Variants in FCN3 observed in about 807,000 individuals in gnomAD.
FCN3 encodes ficolin-3.
A neutral mutation model predicts 31.5 loss-of-function variants in FCN3; 28 were observed. The observed-to-expected ratio is 0.89, with a 90% confidence interval of 0.66 to 1.22. The LOEUF is 1.22. Ranked by LOEUF, FCN3 falls within the 50% of genes most tolerant of loss-of-function variation. The pLI is 0.00. For missense variants in FCN3, 351 were observed against 386.8 expected (o/e 0.91, Z 0.78); for synonymous variants, 124 against 147.4 (o/e 0.84, Z 1.15).
rs2016132518 is a variant in FCN3, at chr1:27,370,882, A to G, written c.484T>C (p.Trp162Arg). Reference protein sequence around the residue: ...AGFGNQESEFWLGNENLHQLT... With the variant: ...AGFGNQESEFRLGNENLHQLT... ...TGGTGCAAATTCTCATTTCCCAGCC[A>G]GAATTCAGACTCTTGGTTCCCAAAA... The change falls in exon 6 of 8, where the codon TGG becomes CGG. Residue 162 changes from tryptophan to arginine, a missense_variant. Physicochemically the swap from Trp to Arg is moderately radical, Grantham distance 101 (BLOSUM62 -3). Coordinates refer to ENST00000270879, the MANE Select transcript of FCN3 (RefSeq NM_003665.4). 1 of 1,614,052 alleles carries G rather than the reference A, an allele frequency of 6.2e-7. No individual in the cohort carries two copies. Among genetic ancestry groups the G allele is most frequent in the Admixed American group, 1.7e-5 (1 of 60,010 alleles).
intron 7 of FCN3, 130 bp downstream of exon 7, chr1:27,370,466 T>G (rs187336683): frequency 3.9e-6 from 3 of 775,078 alleles, no homozygotes; most frequent in Non-Finnish European, 6.3e-6. Flanking sequence ...TGTTTCATGA[T>G]TGCCATTTCT....
At chr1:27,374,681 G>A (rs201979374) in intron 1 of FCN3, 47 bp downstream of exon 1, 156 of 1,159,952 alleles carry the variant, frequency 1.3e-4, no homozygotes, top group Non-Finnish European at 1.7e-4. Context: ...GACACCCAGC[G>A]AGGGAATGAG....
rs1476240359 is a variant in FCN3 at position 27,373,485 on chromosome 1, C to A, written c.265+3G>T. On this transcript the variant is annotated splice_donor_region_variant and intron_variant, in intron 4 of 7. Coordinates refer to ENST00000270879, the MANE Select transcript of FCN3 (RefSeq NM_003665.4). ...TTCCTGGCTCCTGCAAGGGCTGCCTCACCTTCCTGGCACCGGAGCAGGTTC... is the reference window on the plus strand; with the variant it reads ...TTCCTGGCTCCTGCAAGGGCTGCCTAACCTTCCTGGCACCGGAGCAGGTTC... The A allele has an allele frequency of 6.2e-7, 1 of 1,614,084 alleles. No homozygotes were observed. The highest frequency in any genetic ancestry group is 1.1e-5 in the South Asian group (1 of 91,082).
chr1:27,373,371 G>A, intron 4 of FCN3, 108 bp from the exon 5 acceptor site: 4 of 1,594,990 alleles, frequency 2.5e-6, no homozygotes. Flanking sequence ...GCTCCTTCAG[G>A]TCCCTGAAGA....
Position 27,374,264 on chromosome 1 carries a change from C to G in FCN3, c.187+92G>C. On this transcript the variant is annotated intron_variant, in intron 2 of 7. Transcript: ENST00000270879. Reference sequence around the variant, plus strand: ...GCTGGCACAGAGTAGGTTCCTTGCTCCTTTGTCGTGGCCCCTCAGCACAGA... The same window carrying G: ...GCTGGCACAGAGTAGGTTCCTTGCTGCTTTGTCGTGGCCCCTCAGCACAGA... 3 of 914,518 alleles carry G rather than the reference C, an allele frequency of 3.3e-6. No homozygotes were observed. In the South Asian group the frequency reaches 4.5e-5, roughly 14 times the overall value. The allele number at this position is 914,518 out of a possible 1,614,324, so 56.7% of individuals were successfully genotyped here.
At chr1:27,370,529 A>C in intron 7 of FCN3, 67 bp downstream of exon 7, 1 of 1,413,312 alleles carries the variant, frequency 7.1e-7, no homozygotes, top group African/African-American at 1.4e-5. Flanking sequence ...TGGGTCATTC[A>C]TGGGGGCAGT....
chr1:27,370,971 A>G lies in FCN3; in HGVS notation c.395T>C (p.Val132Ala). 7.0e-7 allele frequency: 1 copy of G among 1,427,152 alleles called. No individual in the cohort carries two copies. Among genetic ancestry groups the G allele is most frequent in the Non-Finnish European group, 9.4e-7 (1 of 1,059,114 alleles). 88.4% of individuals were successfully genotyped at this position (1,427,152 alleles called of 1,614,324 possible). ...DMDTEGGGWL[V>A]FQRRQDGSVD... ...AGAACCATCCTGGCGCCTCTGAAAC[A>G]CCTGGGGGAGGGGGGGCACAGCAGC... Residue 132 changes from valine to alanine, a missense_variant and splice_region_variant, in exon 6 of 8, where the codon GTG (valine) becomes GCG (alanine). By Grantham distance (64) the Val-to-Ala change is moderately conservative. Transcript: ENST00000270879.
chr1:27,374,534 T>G, intron 1 of FCN3, 83 bp from the exon 2 acceptor site: 1 of 972,146 alleles, frequency 1.0e-6, no homozygotes, highest in Non-Finnish European at 1.6e-6. Context: ...GTCTCCCAGA[T>G]TCCCACTGTC....
chr1:27,373,147 C>T lies in FCN3; in HGVS notation c.382G>A (p.Gly128Ser). 5 of 1,613,964 alleles carry T rather than the reference C, an allele frequency of 3.1e-6. No homozygotes were observed. Among genetic ancestry groups the T allele is most frequent in the South Asian group, 2.2e-5 (2 of 91,084 alleles). Residue 128 changes from glycine to serine, a missense_variant, in exon 5 of 8, where the codon GGC becomes AGC. Transcript: ENST00000270879. The stretch of plus-strand genomic sequence containing the variant: ...TCTCAGACACTCACCAGCCAGCCGC[C>T]CCCCTCGGTGTCCATGTCACAAAAG... ...PVFCDMDTEG[G>S]GWLVFQRRQD...
At position 27,369,250 on chromosome 1, in the gene FCN3, T is replaced by C; in HGVS notation, c.886A>G (p.Met296Val). ...GCCAGAGTGCCCTATCGAAGCATCATCCGAACCCTGCGGTAGGGGTGGCCC... is the reference window on the plus strand; with the variant it reads ...GCCAGAGTGCCCTATCGAAGCATCACCCGAACCCTGCGGTAGGGGTGGCCC... ...GVGHPYRRVRMMLR is the reference protein window; with the variant it reads ...GVGHPYRRVRVMLR Residue 296 changes from methionine (M) to valine (V), a missense_variant, in exon 8 of 8, where the codon ATG (methionine) becomes GTG (valine). Met to Val is a conservative substitution (Grantham distance 21, BLOSUM62 1). Transcript: ENST00000270879. 6.2e-7 allele frequency: 1 copy of C among 1,614,176 alleles called. No individual in the cohort carries two copies. Among genetic ancestry groups the C allele is most frequent in the Non-Finnish European group, 8.5e-7 (1 of 1,180,022 alleles).
At chr1:27,372,949 C>A (rs1471080828) in intron 5 of FCN3, among the ~76,000 whole-genome samples, 187 bp downstream of exon 5, 1 of 151,962 alleles carries the variant, frequency 6.6e-6, no homozygotes, top group Non-Finnish European at 1.5e-5. Flanking sequence ...AACTTAAGGT[C>A]TTTTCAAAAG....
At chr1:27,373,102 G>T (rs756449470) in intron 5 of FCN3, 34 bp downstream of exon 5, 2 of 1,609,860 alleles carry the variant, frequency 1.2e-6, no homozygotes, top group South Asian at 2.2e-5. Context: ...TGACCAGTGG[G>T]CCTGGCCTGT....
chr1:27,373,876 A>AT, intron 3 of FCN3, 89 bp downstream of exon 3: 1 of 1,165,934 alleles, frequency 8.6e-7, no homozygotes, highest in Non-Finnish European at 1.3e-6. Context: ...GAGAGCCATC[A>AT]TAGGCACAGC....
intron 7 of FCN3, 32 bp from the exon 8 acceptor site, chr1:27,369,509 G>T: frequency 6.2e-7 from 1 of 1,606,670 alleles, no homozygotes. Flanking sequence ...GCACCTTGGT[G>T]CCCAGCACCA....
rs28385724 is a variant in FCN3 at position 27,373,094 on chromosome 1, A to G, written c.393+42T>C. 5.0e-6 allele frequency: 8 copies of G among 1,604,332 alleles called. No homozygotes were observed. The East Asian group carries it at 6.7e-5, about 13-fold the overall frequency. ...CCCTAGGGGCCAAGGGGGAGAAGTG[A>G]CCAGTGGGCCTGGCCTGTTAGCCCA... On this transcript the variant is annotated intron_variant, in intron 5 of 7. Coordinates refer to ENST00000270879, the MANE Select transcript of FCN3 (RefSeq NM_003665.4).
intron 1 of FCN3, 49 bp downstream of exon 1, chr1:27,374,679 G>T: frequency 8.7e-7 from 1 of 1,145,926 alleles, no homozygotes; most frequent in Non-Finnish European, 1.2e-6. Context: ...GGGACACCCA[G>T]CGAGGGAATG....
At chr1:27,369,667 G>A (rs567440921) in intron 7 of FCN3, among the ~76,000 whole-genome samples, 190 bp from the exon 8 acceptor site, 1 of 152,270 alleles carries the variant, frequency 6.6e-6, no homozygotes, top group South Asian at 2.1e-4. Context: ...ACTTGAACTC[G>A]GGACTGTCTG....
chr1:27,374,786 C>T lies in FCN3; in HGVS notation c.33G>A (p.Trp11Ter). ...AGGCAGGCCCCCCAAGCAGGAGAAG[C>T]CACAGGGAGGGCAGGATCCACAGTA... MDLLWILPSL[W>*]LLLLGGPACL... Residue 11 changes from tryptophan (W) to a stop codon, truncating the protein, a stop_gained, in exon 1 of 8, where the codon TGG becomes TGA. Transcript: ENST00000270879. LOFTEE classifies it high-confidence loss of function. The T allele has an allele frequency of 1.4e-6, 2 of 1,388,548 alleles. No homozygotes were observed. The highest frequency in any genetic ancestry group is 9.4e-7 in the Non-Finnish European group (1 of 1,065,930). 86.0% of individuals were successfully genotyped at this position (1,388,548 alleles called of 1,614,324 possible). A position where few individuals can be genotyped will look rare whatever the true frequency, so the allele number is the denominator to read the frequency against.
Position 27,374,726 on chromosome 1 carries a change from A to G in FCN3, c.91+2T>C. On this transcript the variant is annotated splice_donor_variant, in intron 1 of 7. Coordinates refer to ENST00000270879, the MANE Select transcript of FCN3 (RefSeq NM_003665.4). LOFTEE classifies it high-confidence loss of function. ...GGTGAGGAGGGCACCCTAGGTGCCC[A>G]CCTGGGCAGCTGGGGTGTTCCTGGG... 5 of 1,409,038 alleles carry G rather than the reference A, an allele frequency of 3.5e-6. No homozygotes were observed. Among genetic ancestry groups the G allele is most frequent in the Non-Finnish European group, 4.6e-6 (5 of 1,077,150 alleles). 87.3% of individuals were successfully genotyped at this position (1,409,038 alleles called of 1,614,324 possible).
Sources: gnomAD v4.1 joint callset for allele counts (sites outside exome capture counted in the v4.1 genomes callset) on GRCh38, gnomAD v4.1.1 for gene constraint, MANE v1.5 for transcripts, NCBI Gene and HGNC (gene_info 2026-07-23, HGNC 2026-07-21) for gene names.